TMTC4: variants seen among roughly 807,000 people sequenced by gnomAD.
The protein encoded by TMTC4 is protein O-mannosyl-transferase TMTC4.
A neutral mutation model predicts 86.0 loss-of-function variants in TMTC4; 65 were observed. That is an observed-to-expected ratio of 0.76 (90% CI 0.62 to 0.93). The LOEUF (loss-of-function observed/expected upper bound fraction) is 0.93. TMTC4 is among the 40% of genes least tolerant of loss of function. TMTC4 has a pLI of 0.00. For synonymous variants in TMTC4, 379 were observed against 382.5 expected (o/e 0.99, Z 0.11); for missense variants, 866 against 948.1 (o/e 0.91, Z 1.14).
Position 100,642,196 on chromosome 13 carries a change from T to C in TMTC4, c.741+15A>G, listed in dbSNP as rs746675941. 4 of 1,613,588 alleles carry C rather than the reference T, an allele frequency of 2.5e-6. No homozygotes were observed. The highest frequency in any genetic ancestry group is 2.2e-5 in the East Asian group (1 of 44,866). On this transcript the variant is annotated intron_variant, in intron 7 of 18. Transcript: ENST00000342624. ...ACACAGAAAAAGCAGGCCCCAGCCA[T>C]GTTGCGGCTCTCACCAGCACAGTGA...
chr13:100,660,471 C>T (rs1885637168), intron 5 of TMTC4, among the ~76,000 whole-genome samples: 1 of 152,008 alleles, frequency 6.6e-6, no homozygotes, highest in Non-Finnish European at 1.5e-5. Flanking sequence ...TAACCAAATC[C>T]CCATTGTCCT....
In TMTC4 at chr13:100,605,149, TAGC is replaced by T. The variant is rs61100697; in HGVS notation, c.2135-10_2135-8del. ...CAACGATGATAAAGCACAGCTGAAA[TAGC>T]AGGAGATAAATTTCACTGGGAATGC... On this transcript the variant is annotated splice_region_variant and splice_polypyrimidine_tract_variant and intron_variant, in intron 18 of 18. Transcript: ENST00000342624. The surrounding 1 kb of genome is among the most constrained non-coding windows in gnomAD (Gnocchi z 4.3). 5,071 of 1,607,510 alleles carry T rather than the reference TAGC, an allele frequency of 3.2e-3. 138 individuals carry two copies. The African/African-American group carries it at 0.061, about 19-fold the overall frequency.
chr13:100,660,799 G>A (rs187518148), intron 5 of TMTC4, among the ~76,000 whole-genome samples: 98 of 152,156 alleles, frequency 6.4e-4, no homozygotes, highest in Admixed American at 2.7e-3. Flanking sequence ...GACTACAGGG[G>A]CATACCACCA....
At chr13:100,614,852 G>A (rs1341642140) in intron 15 of TMTC4, 1 of 900,808 alleles carries the variant, frequency 1.1e-6, no homozygotes, top group African/African-American at 1.8e-5. Context: ...GACTTCATAA[G>A]TTCATTGTTG....
chr13:100,632,081 T>C (rs2138848745), intron 12 of TMTC4, among the ~76,000 whole-genome samples: 1 of 150,774 alleles, frequency 6.6e-6, no homozygotes, highest in South Asian at 2.1e-4. Context: ...TCTCTCTCTC[T>C]CTCTCTCTCT....
At chr13:100,616,632 TAC>T (rs1234332578) in intron 15 of TMTC4, among the ~76,000 whole-genome samples, 1 of 152,238 alleles carries the variant, frequency 6.6e-6, no homozygotes, top group Non-Finnish European at 1.5e-5. Flanking sequence ...CTAATTTATA[TAC>T]AGTGTCTAAG....
At chr13:100,612,577 T>A (rs1877784218) in intron 16 of TMTC4, 67 bp from the exon 17 acceptor site, 1 of 1,190,790 alleles carries the variant, frequency 8.4e-7, no homozygotes. Context: ...CTTCTCTCTA[T>A]AACTAACAGG....
intron 5 of TMTC4, 74 bp from the exon 6 acceptor site, chr13:100,656,542 C>CTTTTTTTATTTTTTTTTTT (rs1885137131): frequency 2.9e-6 from 1 of 350,206 alleles, no homozygotes; most frequent in African/African-American, 2.6e-5. Flanking sequence ...GGAGACATAA[C>CTTTTTTTATTTTTTTTTTT]TTTTTTTTTT....
intron 4 of TMTC4, among the ~76,000 whole-genome samples, chr13:100,663,971 T>C (rs1405895429): frequency 6.6e-6 from 1 of 152,170 alleles, no homozygotes; most frequent in Admixed American, 6.5e-5. Flanking sequence ...CCATTGGTGT[T>C]AACCAGCAAA....
chr13:100,611,302 C>G (rs990477389), intron 17 of TMTC4, among the ~76,000 whole-genome samples: 5 of 152,184 alleles, frequency 3.3e-5, no homozygotes, highest in African/African-American at 1.2e-4. Flanking sequence ...AATGCATATT[C>G]CAGCTGGGCG....
chr13:100,665,140 C>A lies in TMTC4; in HGVS notation c.220-804G>T, dbSNP rs543652412. Among the ~76,000 whole-genome samples, 8 of 152,198 alleles carry A rather than the reference C, an allele frequency of 5.3e-5. 1 individual carries two copies. The highest frequency in any genetic ancestry group is 1.9e-4 in the African/African-American group (8 of 41,512). ...AAAAAACACTGTACCGCTCTTACTGCTGAGATAATTTGGTACTATACTACA... is the reference window on the plus strand; with the variant it reads ...AAAAAACACTGTACCGCTCTTACTGATGAGATAATTTGGTACTATACTACA... On this transcript the variant is annotated intron_variant, in intron 3 of 18. Coordinates refer to ENST00000342624, the MANE Select transcript of TMTC4 (RefSeq NM_032813.5).
rs1231661425 is a variant in TMTC4 at position 100,649,949 on chromosome 13, C to G, written c.640+6432G>C. On this transcript the variant is annotated intron_variant, in intron 6 of 18. Coordinates refer to ENST00000342624, the MANE Select transcript of TMTC4 (RefSeq NM_032813.5). ...AAATATTTTTATTCAGAAAAATCTTCCCCAGATTTAAAATTCTAACTTGTG... is the reference window on the plus strand; with the variant it reads ...AAATATTTTTATTCAGAAAAATCTTGCCCAGATTTAAAATTCTAACTTGTG... 1.3e-5 allele frequency among the ~76,000 whole-genome samples: 2 copies of G among 151,966 alleles called. 1 individual carries two copies. Among genetic ancestry groups the G allele is most frequent in the South Asian group, 4.2e-4 (2 of 4,810 alleles).
intron 12 of TMTC4, among the ~76,000 whole-genome samples, chr13:100,631,979 T>A (rs1881427038): frequency 6.7e-6 from 1 of 150,124 alleles, no homozygotes; most frequent in South Asian, 2.1e-4. Flanking sequence ...ATTTTGAAGA[T>A]GAGGTCTTAT....
intron 17 of TMTC4, among the ~76,000 whole-genome samples, chr13:100,611,541 C>T (rs1050609877): frequency 1.5e-4 from 23 of 152,062 alleles, no homozygotes; most frequent in African/African-American, 4.8e-4. Flanking sequence ...GCCGAGATGG[C>T]GCCACTGCAC....
At chr13:100,633,923 T>C (rs1178496268) in intron 12 of TMTC4, among the ~76,000 whole-genome samples, 1 of 152,178 alleles carries the variant, frequency 6.6e-6, no homozygotes, top group African/African-American at 2.4e-5. Flanking sequence ...ACGGATCACT[T>C]GAGGTCAGGA....
Position 100,637,667 on chromosome 13 carries a change from G to A in TMTC4, c.870C>T (p.Phe290=). 6.2e-7 allele frequency: 1 copy of A among 1,614,198 alleles called. No homozygotes were observed. Among genetic ancestry groups the A allele is most frequent in the East Asian group, 2.2e-5 (1 of 44,878 alleles). ...CTCCAGAGGTGAGCAGGGTCATTCTGAAGAGGAGGCCCCCGTTCCTGAGCA... is the reference window on the plus strand; with the variant it reads ...CTCCAGAGGTGAGCAGGGTCATTCTAAAGAGGAGGCCCCCGTTCCTGAGCA... ...LGMLRNGGLL[F]RMTLLTSGGA... The change falls in exon 9 of 19, where the codon TTC becomes TTT. Residue 290 remains phenylalanine, a synonymous_variant. Coordinates refer to ENST00000342624, the MANE Select transcript of TMTC4 (RefSeq NM_032813.5).
chr13:100,654,185 C>G (rs1884794777), intron 6 of TMTC4, among the ~76,000 whole-genome samples: 1 of 152,190 alleles, frequency 6.6e-6, no homozygotes, highest in Non-Finnish European at 1.5e-5. Flanking sequence ...AAAATCTAGT[C>G]ATCTTAAAAA....
chr13:100,616,722 A>G (rs1291836162), intron 15 of TMTC4, among the ~76,000 whole-genome samples: 2 of 152,126 alleles, frequency 1.3e-5, no homozygotes, highest in African/African-American at 4.8e-5. Context: ...GACTGGTGTG[A>G]GATGGTATCT....
At chr13:100,674,673 C>T in intron 1 of TMTC4, 71 bp downstream of exon 1, 1 of 983,008 alleles carries the variant, frequency 1.0e-6, no homozygotes, top group Non-Finnish European at 1.2e-6. Flanking sequence ...GGGGAACCCG[C>T]GCCCGCTCCG....
Sources: allele counts gnomAD v4.1 joint callset (sites outside exome capture counted in the v4.1 genomes callset), GRCh38; gene constraint gnomAD v4.1.1; non-coding constraint Gnocchi (gnomAD v3.1); transcripts MANE v1.5; gene names NCBI Gene and HGNC (gene_info 2026-07-23, HGNC 2026-07-21).